NLK: variants seen among roughly 807,000 people sequenced by gnomAD.
NLK encodes the protein nemo like kinase.
A neutral mutation model predicts 59.0 loss-of-function variants in NLK; 11 were observed. That is an observed-to-expected ratio of 0.19 (90% confidence interval 0.12 to 0.31). The LOEUF is 0.31. NLK is among the 10% of genes least tolerant of loss of function. The pLI is 1.00. For missense variants in NLK, 410 were observed against 661.1 expected (o/e 0.62, Z 4.16); for synonymous variants, 235 against 235.9 (o/e 1.00, Z 0.03).
At chr17:28,050,171 G>A (rs1459405251) in intron 1 of NLK, among the ~76,000 whole-genome samples, 1 of 152,148 alleles carries the variant, frequency 6.6e-6, no homozygotes, top group African/African-American at 2.4e-5. Flanking sequence ...GACATTAAGG[G>A]CGTGTAGAGG....
chr17:28,153,217 T>C (rs1907557393), intron 3 of NLK, among the ~76,000 whole-genome samples: 1 of 150,236 alleles, frequency 6.7e-6, no homozygotes, highest in Non-Finnish European at 1.5e-5. Flanking sequence ...GAGGTTGTGG[T>C]GAGCCGAGAT....
At chr17:28,055,175 C>T (rs575727859) in intron 1 of NLK, among the ~76,000 whole-genome samples, 8 of 151,158 alleles carry the variant, frequency 5.3e-5, no homozygotes, top group Admixed American at 1.3e-4. Context: ...TCACTGCAGC[C>T]TCTGCCTCTC....
chr17:28,095,262 G>A (rs1904660428), intron 1 of NLK, among the ~76,000 whole-genome samples: 1 of 152,098 alleles, frequency 6.6e-6, no homozygotes, highest in African/African-American at 2.4e-5. Context: ...TTTCCCCTCT[G>A]TAGTGCAGTA....
At chr17:28,107,267 T>C (rs939396736) in intron 1 of NLK, among the ~76,000 whole-genome samples, 2 of 151,944 alleles carry the variant, frequency 1.3e-5, no homozygotes, top group African/African-American at 4.8e-5. Context: ...GACCCCCGTC[T>C]CTACTAAAAA....
chr17:28,146,833 A>G (rs771981501), intron 3 of NLK, among the ~76,000 whole-genome samples: 1 of 152,200 alleles, frequency 6.6e-6, no homozygotes, highest in African/African-American at 2.4e-5. Flanking sequence ...TCCGCTGCAC[A>G]CTAAGACCTT....
At chr17:28,141,549 C>T (rs1051436250) in intron 3 of NLK, among the ~76,000 whole-genome samples, 1 of 152,158 alleles carries the variant, frequency 6.6e-6, no homozygotes, top group Non-Finnish European at 1.5e-5. Flanking sequence ...GGAGTAAATG[C>T]TCTCAAATTC....
At chr17:28,172,654 C>A in intron 7 of NLK, 36 bp downstream of exon 7, 2 of 1,235,044 alleles carry the variant, frequency 1.6e-6, no homozygotes, top group South Asian at 1.7e-5. Flanking sequence ...TGGTAACCAT[C>A]TGTTTGGGCA....
In NLK at chr17:28,111,885, TGTGTGTGTGTG is replaced by T. The variant is rs1215107595; in HGVS notation, c.459-10706_459-10696del. Among the ~76,000 whole-genome samples, 3 of 127,270 alleles carry T rather than the reference TGTGTGTGTGTG, an allele frequency of 2.4e-5. No homozygotes were observed. In the East Asian group the frequency reaches 7.1e-4, roughly 30 times the overall value. 83.5% of individuals were successfully genotyped at this position (127,270 alleles called of 152,430 possible). A position where few individuals can be genotyped will look rare whatever the true frequency, so the allele number is the denominator to read the frequency against. On this transcript the variant is annotated intron_variant, in intron 1 of 10. Coordinates refer to ENST00000407008, the MANE Select transcript of NLK (RefSeq NM_016231.5). ...CCGTGTGTGTGTGTGTGTGTGTGTG[TGTGTGTGTGTG>T]GTGTGTGTGTGTGTGTGTGTGTGTG...
At chr17:28,142,114 T>C (rs1398742589) in intron 3 of NLK, among the ~76,000 whole-genome samples, 1 of 152,236 alleles carries the variant, frequency 6.6e-6, no homozygotes, top group Non-Finnish European at 1.5e-5. Flanking sequence ...TTTTATTACA[T>C]ACATGGTTAT....
At chr17:28,176,462 C>T (rs906354415) in intron 7 of NLK, among the ~76,000 whole-genome samples, 1 of 152,178 alleles carries the variant, frequency 6.6e-6, no homozygotes, top group Non-Finnish European at 1.5e-5. Flanking sequence ...TATACTAGCT[C>T]ATTAAATTCT....
intron 7 of NLK, among the ~76,000 whole-genome samples, chr17:28,179,490 G>A (rs184595033): frequency 1.5e-3 from 232 of 152,132 alleles, no homozygotes; most frequent in Admixed American, 5.0e-3. Flanking sequence ...CAGCACTTTG[G>A]GAGGCCAAGG....
intron 5 of NLK, among the ~76,000 whole-genome samples, chr17:28,167,555 C>G (rs956053479): frequency 6.6e-6 from 1 of 151,932 alleles, no homozygotes; most frequent in Non-Finnish European, 1.5e-5. Context: ...ATCAAACCTA[C>G]AAGTATGCAT....
chr17:28,109,542 C>T (rs1471104224), intron 1 of NLK, among the ~76,000 whole-genome samples: 7 of 152,194 alleles, frequency 4.6e-5, no homozygotes, highest in Admixed American at 4.6e-4. Context: ...CTCCCAACCC[C>T]AGGCAATCAC....
In NLK at chr17:28,161,114, G is replaced by A. The variant is rs370411891; in HGVS notation, c.645-46G>A. 1.8e-5 allele frequency: 18 copies of A among 1,003,428 alleles called. No individual in the cohort carries two copies. The African/African-American group carries it at 2.4e-4, about 13-fold the overall frequency. The allele number at this position is 1,003,428 out of a possible 1,614,324, so 62.2% of individuals were successfully genotyped here. On this transcript the variant is annotated intron_variant, in intron 3 of 10. Coordinates refer to ENST00000407008, the MANE Select transcript of NLK (RefSeq NM_016231.5). ...TAGATCTGGTCACCACTTTGAGGGG[G>A]TAGGGGACTGAATTCGCCGAACTCT...
At chr17:28,175,332 T>C (rs1300815704) in intron 7 of NLK, among the ~76,000 whole-genome samples, 2 of 151,538 alleles carry the variant, frequency 1.3e-5, no homozygotes, top group Non-Finnish European at 1.5e-5. Flanking sequence ...CAGGCGCCTG[T>C]AGTCCCAGCT....
chr17:28,119,573 A>C (rs150434403), intron 1 of NLK, among the ~76,000 whole-genome samples: 1 of 152,300 alleles, frequency 6.6e-6, no homozygotes, highest in East Asian at 1.9e-4. Context: ...TTTAAAAACT[A>C]ATATTTATTG....
chr17:28,048,301 CA>C, intron 1 of NLK: 1 of 218,118 alleles, frequency 4.6e-6, no homozygotes, highest in Non-Finnish European at 8.9e-6. Context: ...AAATTATGTT[CA>C]AAAAACCACA....
chr17:28,203,156 T>TACACACACACAC, the NLK span, among the ~76,000 whole-genome samples: 2 of 129,352 alleles, frequency 1.5e-5, no homozygotes, highest in African/African-American at 7.2e-5. Flanking sequence ...TGAATGTATA[T>TACACACACACAC]ACATACATAC....
At chr17:28,147,092 C>T (rs1168827500) in intron 3 of NLK, among the ~76,000 whole-genome samples, 2 of 152,126 alleles carry the variant, frequency 1.3e-5, no homozygotes, top group African/African-American at 2.4e-5. Context: ...AGTCTTTTTC[C>T]AACCTCTTGG....
Sources: gnomAD v4.1 joint callset for allele counts (sites outside exome capture counted in the v4.1 genomes callset) on GRCh38, gnomAD v4.1.1 for gene constraint, MANE v1.5 for transcripts, NCBI Gene and HGNC (gene_info 2026-07-23, HGNC 2026-07-21) for gene names.